Variants in WWOX observed in about 807,000 individuals in gnomAD.
WWOX encodes WW domain containing oxidoreductase, also known as WW domain-containing oxidoreductase.
WWOX carries 69 observed loss-of-function variants against 46.2 expected under a neutral mutation model. The observed-to-expected ratio is 1.49, with a 90% CI of 1.23 to 1.82. The LOEUF is 1.82. WWOX is among the 40% of genes most tolerant of loss of function. The pLI is 0.00. For synonymous variants in WWOX, 359 were observed against 202.6 expected (o/e 1.77, Z -6.56); for missense variants, 919 against 542.6 (o/e 1.69, Z -6.89).
At chr16:79,003,535 TCTC>T (rs2047135101) in intron 8 of WWOX, among the ~76,000 whole-genome samples, 1 of 152,130 alleles carries the variant, frequency 6.6e-6, no homozygotes, top group Admixed American at 6.5e-5. Context: ...GCTGGTTGAG[TCTC>T]CTCTTGCAGT....
At chr16:78,782,802 T>C (rs922505884) in intron 8 of WWOX, among the ~76,000 whole-genome samples, 1 of 152,172 alleles carries the variant, frequency 6.6e-6, no homozygotes, top group South Asian at 2.1e-4. Context: ...CAATCAATCA[T>C]TGATAAGATG....
intron 8 of WWOX, among the ~76,000 whole-genome samples, chr16:78,743,373 T>C (rs2049276250): frequency 6.6e-6 from 1 of 152,162 alleles, no homozygotes; most frequent in Non-Finnish European, 1.5e-5. Flanking sequence ...AAACAGAATC[T>C]TCCCAGGGAT....
intron 5 of WWOX, among the ~76,000 whole-genome samples, chr16:78,186,751 T>G (rs1259451938): frequency 6.6e-6 from 1 of 152,198 alleles, no homozygotes; most frequent in African/African-American, 2.4e-5. Context: ...GGTGACAAAG[T>G]GAGACCCTGT....
At position 78,949,341 on chromosome 16, in the gene WWOX, C is replaced by T. The variant is rs368687263; in HGVS notation, c.1057-262267C>T. ...TTAAGGGGATGATAATTTGCTGTGG[C>T]AGCAATAGAAAATCTGATACACTGT... is the stretch of plus-strand genomic sequence containing the variant. On this transcript the variant is annotated intron_variant, in intron 8 of 8. Transcript: ENST00000566780. 1.7e-4 allele frequency among the ~76,000 whole-genome samples: 26 copies of T among 152,238 alleles called. No homozygotes were observed. The East Asian group carries it at 2.1e-3, about 12-fold the overall frequency.
intron 8 of WWOX, among the ~76,000 whole-genome samples, chr16:78,800,420 T>G (rs947927662): frequency 6.6e-6 from 1 of 152,180 alleles, no homozygotes; most frequent in African/African-American, 2.4e-5. Flanking sequence ...GCTATGATTG[T>G]GTAGGTGCCT....
At chr16:79,024,044 A>G (rs376040246) in intron 8 of WWOX, among the ~76,000 whole-genome samples, 1 of 152,224 alleles carries the variant, frequency 6.6e-6, no homozygotes, top group African/African-American at 2.4e-5. Context: ...CAAAGTACCT[A>G]GAATAGGCAC....
At chr16:78,152,325 A>G (rs912115009) in intron 4 of WWOX, among the ~76,000 whole-genome samples, 2 of 152,202 alleles carry the variant, frequency 1.3e-5, no homozygotes, top group African/African-American at 4.8e-5. Flanking sequence ...AATTGATAAA[A>G]CATTTTGGTT....
chr16:78,624,314 A>C (rs546500013), intron 8 of WWOX, among the ~76,000 whole-genome samples: 29 of 151,888 alleles, frequency 1.9e-4, no homozygotes, highest in Non-Finnish European at 2.9e-5. Flanking sequence ...GGCTCTGCAA[A>C]GTTTCTCTGC....
At chr16:78,438,891 T>G (rs1283238719) in intron 8 of WWOX, among the ~76,000 whole-genome samples, 1 of 152,136 alleles carries the variant, frequency 6.6e-6, no homozygotes, top group Non-Finnish European at 1.5e-5. Context: ...ATGTCATTCT[T>G]CTAACCTTCG....
chr16:79,001,318 A>G (rs1350527795), intron 8 of WWOX, among the ~76,000 whole-genome samples: 1 of 150,440 alleles, frequency 6.6e-6, no homozygotes, highest in Non-Finnish European at 1.5e-5. Context: ...CCCTCCCCCT[A>G]TTCTCAGCAG....
intron 8 of WWOX, among the ~76,000 whole-genome samples, chr16:78,545,495 G>C (rs1476602975): frequency 6.6e-6 from 1 of 152,184 alleles, no homozygotes; most frequent in East Asian, 1.9e-4. Flanking sequence ...TGGGACGACA[G>C]GTGCCTGCAA....
intron 8 of WWOX, among the ~76,000 whole-genome samples, chr16:79,104,628 T>G (rs1047140360): frequency 2.0e-5 from 3 of 152,176 alleles, no homozygotes; most frequent in Non-Finnish European, 4.4e-5. Flanking sequence ...CATATGTATG[T>G]CACCATGTAC....
intron 8 of WWOX, among the ~76,000 whole-genome samples, chr16:79,113,865 A>T (rs1282157752): frequency 2.0e-5 from 3 of 152,214 alleles, no homozygotes; most frequent in Non-Finnish European, 4.4e-5. Context: ...TGCTTTCTGT[A>T]ATCTTGAACC....
chr16:78,824,366 A>G (rs2051589502), intron 8 of WWOX, among the ~76,000 whole-genome samples: 1 of 152,198 alleles, frequency 6.6e-6, no homozygotes, highest in African/African-American at 2.4e-5. Flanking sequence ...CCCAAAGGTT[A>G]GCTCATTGAC....
intron 8 of WWOX, among the ~76,000 whole-genome samples, chr16:78,799,819 C>T (rs1279694884): frequency 6.6e-6 from 1 of 152,124 alleles, no homozygotes; most frequent in Non-Finnish European, 1.5e-5. Flanking sequence ...ACAGAAGCTG[C>T]CCAATTATAC....
chr16:79,020,334 A>G (rs1247590084), intron 8 of WWOX, among the ~76,000 whole-genome samples: 2 of 152,202 alleles, frequency 1.3e-5, no homozygotes, highest in East Asian at 1.9e-4. Flanking sequence ...GATCAAAACT[A>G]TGGAGTCTTA....
chr16:78,529,653 G>C (rs916364104), intron 8 of WWOX, among the ~76,000 whole-genome samples: 3 of 151,854 alleles, frequency 2.0e-5, no homozygotes, highest in Middle Eastern at 3.4e-3. Flanking sequence ...ATTTTTAGTA[G>C]AGATGGGGTT....
rs2046035064 is a variant in WWOX, at chr16:78,350,444, C to A, written c.517-36416C>A. On this transcript the variant is annotated intron_variant, in intron 5 of 8. Coordinates refer to ENST00000566780, the MANE Select transcript of WWOX (RefSeq NM_016373.4). ...TTGACTGGCATCCTTTTCCCCACTTCCTTTTCTCTCCACTCCCAACCTCTC... is the reference window on the plus strand; with the variant it reads ...TTGACTGGCATCCTTTTCCCCACTTACTTTTCTCTCCACTCCCAACCTCTC... Among the ~76,000 whole-genome samples the A allele has an allele frequency of 2.5e-5, 3 of 120,834 alleles. 1 individual carries two copies. The highest frequency in any genetic ancestry group is 5.9e-5 in the Non-Finnish European group (3 of 50,556). The allele number at this position is 120,834 out of a possible 152,430, so 79.3% of individuals were successfully genotyped here. A position where few individuals can be genotyped will look rare whatever the true frequency, so the allele number is the denominator to read the frequency against.
At chr16:79,172,368 G>A (rs28568544) in intron 8 of WWOX, among the ~76,000 whole-genome samples, 1 of 152,086 alleles carries the variant, frequency 6.6e-6, no homozygotes, top group Non-Finnish European at 1.5e-5. Context: ...TTTCAGAGCA[G>A]GCAGCCCTTT....
Sources: gnomAD v4.1 joint callset for allele counts (sites outside exome capture counted in the v4.1 genomes callset) on GRCh38, gnomAD v4.1.1 for gene constraint, MANE v1.5 for transcripts, NCBI Gene and HGNC (gene_info 2026-07-23, HGNC 2026-07-21) for gene names.